Variants in PTPRD observed in about 807,000 individuals in gnomAD.
PTPRD encodes the protein protein tyrosine phosphatase receptor type D.
A neutral mutation model predicts 214.5 loss-of-function variants in PTPRD; 34 were observed. The ratio of observed to expected loss-of-function variants is 0.16; its 90% CI spans 0.12 to 0.21. The LOEUF is 0.21. Ranked by LOEUF, PTPRD falls within the 10% of genes least tolerant of loss-of-function variation. The probability of loss-of-function intolerance (pLI) is 1.00; values close to 1 mark genes in which losing one functional copy is unlikely to be tolerated. For missense variants in PTPRD, 2,545 were observed against 2,398.7 expected, an observed-to-expected ratio of 1.06 and a Z score of -1.27; for synonymous variants, 1,128 against 845.7, an observed-to-expected ratio of 1.33 and a Z score of -5.79.
chr9:8,484,074 T>C, intron 30 of PTPRD, 45 bp downstream of exon 30: 1 of 1,577,614 alleles, frequency 6.3e-7, no homozygotes, highest in Non-Finnish European at 8.6e-7. Flanking sequence ...TGTTCCTATT[T>C]ACCTATAATT....
intron 3 of PTPRD, among the ~76,000 whole-genome samples, chr9:10,089,206 A>AAATAAATAAAT (rs2098399917): frequency 7.0e-6 from 1 of 142,584 alleles, no homozygotes; most frequent in African/African-American, 2.6e-5. Flanking sequence ...AATCAGTCTC[A>AAATAAATAAAT]AAATAAATAA....
At chr9:10,120,298 T>A (rs1371690792) in intron 3 of PTPRD, among the ~76,000 whole-genome samples, 2 of 151,730 alleles carry the variant, frequency 1.3e-5, no homozygotes, top group Non-Finnish European at 2.9e-5. Flanking sequence ...TTTCCTTTAG[T>A]TAAATGGTTA....
At chr9:9,652,303 A>T (rs1050695288) in intron 7 of PTPRD, among the ~76,000 whole-genome samples, 1 of 152,104 alleles carries the variant, frequency 6.6e-6, no homozygotes, top group Non-Finnish European at 1.5e-5. Context: ...CCATTCTCAC[A>T]TGAATTTCCC....
At chr9:8,755,653 A>C (rs1161166997) in intron 11 of PTPRD, among the ~76,000 whole-genome samples, 2 of 152,224 alleles carry the variant, frequency 1.3e-5, no homozygotes, top group Non-Finnish European at 2.9e-5. Context: ...ATCAAAATTT[A>C]AAATTTCTGC....
chr9:9,401,881 G>A (rs1311397542), intron 8 of PTPRD, among the ~76,000 whole-genome samples: 1 of 151,988 alleles, frequency 6.6e-6, no homozygotes, highest in Non-Finnish European at 1.5e-5. Context: ...AGAAGGACAT[G>A]TTTGCTTCTC....
intron 5 of PTPRD, among the ~76,000 whole-genome samples, chr9:9,922,269 A>G (rs899645726): frequency 6.6e-6 from 1 of 152,096 alleles, no homozygotes; most frequent in Non-Finnish European, 1.5e-5. Flanking sequence ...CTTCATTCCC[A>G]TCACCTCCCT....
At chr9:9,480,147 G>A (rs1243419424) in intron 8 of PTPRD, among the ~76,000 whole-genome samples, 1 of 152,132 alleles carries the variant, frequency 6.6e-6, no homozygotes, top group Non-Finnish European at 1.5e-5. Flanking sequence ...GCATTCATAT[G>A]CTTCAGGTAT....
intron 3 of PTPRD, among the ~76,000 whole-genome samples, chr9:10,322,945 G>A (rs1298202755): frequency 3.3e-5 from 5 of 151,844 alleles, no homozygotes; most frequent in Non-Finnish European, 7.4e-5. Context: ...GGAATGTTCA[G>A]GAATAAAAGT....
At chr9:10,229,465 G>C (rs1473876002) in intron 3 of PTPRD, among the ~76,000 whole-genome samples, 1 of 151,940 alleles carries the variant, frequency 6.6e-6, no homozygotes, top group South Asian at 2.1e-4. Context: ...ATGTCCAACA[G>C]TGATAGACTG....
chr9:10,537,525 G>T (rs1000213519), intron 2 of PTPRD, among the ~76,000 whole-genome samples: 4 of 152,110 alleles, frequency 2.6e-5, no homozygotes, highest in African/African-American at 9.7e-5. Flanking sequence ...AAATTGCAAT[G>T]ATTTTTGGTA....
At chr9:8,998,636 G>C (rs898553278) in intron 11 of PTPRD, among the ~76,000 whole-genome samples, 3 of 152,024 alleles carry the variant, frequency 2.0e-5, no homozygotes, top group Admixed American at 1.3e-4. Context: ...GGATCAAGAA[G>C]TAATATCAAC....
chr9:10,487,703 G>A (rs1339855366), intron 2 of PTPRD, among the ~76,000 whole-genome samples: 1 of 152,012 alleles, frequency 6.6e-6, no homozygotes, highest in Admixed American at 6.6e-5. Flanking sequence ...GGCCTGTTGG[G>A]GGGTGGAGGG....
chr9:8,517,573 G>C (rs1041041691), intron 21 of PTPRD, among the ~76,000 whole-genome samples: 5 of 152,136 alleles, frequency 3.3e-5, no homozygotes, highest in Non-Finnish European at 5.9e-5. Flanking sequence ...CTGGGCATGG[G>C]GGAGACATTG....
At chr9:9,402,473 A>G (rs1248671343) in intron 8 of PTPRD, among the ~76,000 whole-genome samples, 1 of 152,114 alleles carries the variant, frequency 6.6e-6, no homozygotes. Flanking sequence ...TCATACATTT[A>G]ATCACCAAAT....
At chr9:10,136,355 C>T (rs2098943530) in intron 3 of PTPRD, among the ~76,000 whole-genome samples, 1 of 152,022 alleles carries the variant, frequency 6.6e-6, no homozygotes, top group African/African-American at 2.4e-5. Flanking sequence ...AAATTTTGGA[C>T]TTAAACTCGA....
chr9:9,592,408 T>C (rs908266554), intron 7 of PTPRD, among the ~76,000 whole-genome samples: 3 of 152,060 alleles, frequency 2.0e-5, no homozygotes, highest in Admixed American at 2.0e-4. Flanking sequence ...TGCTTATATG[T>C]TCATATACAA....
At chr9:8,323,384 T>TATAG (rs1243221069) in intron 44 of PTPRD, among the ~76,000 whole-genome samples, 1 of 152,208 alleles carries the variant, frequency 6.6e-6, no homozygotes, top group Middle Eastern at 3.2e-3. Context: ...CTATACATTC[T>TATAG]ATAGATAGAT....
At chr9:8,509,533 C>G (rs982600199) in intron 21 of PTPRD, among the ~76,000 whole-genome samples, 7 of 152,190 alleles carry the variant, frequency 4.6e-5, no homozygotes, top group African/African-American at 1.7e-4. Flanking sequence ...ATTAGAAACA[C>G]AGACAACACT....
intron 7 of PTPRD, among the ~76,000 whole-genome samples, chr9:9,672,603 C>G (rs1023160587): frequency 1.3e-5 from 2 of 152,034 alleles, no homozygotes; most frequent in African/African-American, 4.8e-5. Flanking sequence ...TTGTACTTAG[C>G]TACTTCACAT....
Sources: gnomAD v4.1 joint callset for allele counts (sites outside exome capture counted in the v4.1 genomes callset) on GRCh38, gnomAD v4.1.1 for gene constraint, MANE v1.5 for transcripts, NCBI Gene and HGNC (gene_info 2026-07-23, HGNC 2026-07-21) for gene names.